TAOK1: variants seen among roughly 807,000 people sequenced by gnomAD.
TAOK1 encodes the protein TAO kinase 1, also known as serine/threonine-protein kinase TAO1.
In TAOK1, 21 loss-of-function variants were observed where a neutral mutation model predicts 138.3. The ratio of observed to expected loss-of-function variants is 0.15; its 90% CI spans 0.11 to 0.22. The LOEUF is 0.22. Among genes scored for constraint, TAOK1 ranks in the 10% least tolerant of loss-of-function variants. The probability of loss-of-function intolerance (pLI) is 1.00; values close to 1 mark genes in which losing one functional copy is unlikely to be tolerated. For missense variants in TAOK1, 651 were observed against 1,227.7 expected, an observed-to-expected ratio of 0.53 and a Z score of 7.02; for synonymous variants, 361 against 398.4, an observed-to-expected ratio of 0.91 and a Z score of 1.12.
intron 1 of TAOK1, among the ~76,000 whole-genome samples, chr17:29,423,638 T>G (rs1439170111): frequency 6.6e-6 from 1 of 152,206 alleles, no homozygotes; most frequent in African/African-American, 2.4e-5. Context: ...TAGAAGTGTG[T>G]TGTTTAATTT....
At chr17:29,393,204 A>G (rs1904483639) in intron 1 of TAOK1, among the ~76,000 whole-genome samples, 1 of 152,200 alleles carries the variant, frequency 6.6e-6, no homozygotes, top group South Asian at 2.1e-4. Context: ...TTTCATATAT[A>G]CTAGCATGTG....
At chr17:29,413,031 A>T (rs1905183128) in intron 1 of TAOK1, among the ~76,000 whole-genome samples, 1 of 152,200 alleles carries the variant, frequency 6.6e-6, no homozygotes, top group Admixed American at 6.6e-5. Context: ...GGCTAAAAAC[A>T]TTAAGATCCT....
intron 1 of TAOK1, among the ~76,000 whole-genome samples, chr17:29,397,823 A>G (rs553436215): frequency 1.3e-4 from 19 of 150,886 alleles, no homozygotes; most frequent in African/African-American, 4.4e-4. Context: ...ATGTATATAC[A>G]TGTATATATA....
intron 1 of TAOK1, among the ~76,000 whole-genome samples, chr17:29,399,848 G>A (rs1904783467): frequency 6.6e-6 from 1 of 151,988 alleles, no homozygotes; most frequent in East Asian, 1.9e-4. Flanking sequence ...TCTCACCTCA[G>A]CCACCTCAGC....
intron 19 of TAOK1, 119 bp from the exon 20 acceptor site, chr17:29,542,442 C>A: frequency 1.2e-6 from 1 of 808,724 alleles, no homozygotes; most frequent in Non-Finnish European, 1.8e-6. Flanking sequence ...AAATTTGAAA[C>A]TCATGGACAA....
chr17:29,427,857 C>T (rs891829896), intron 1 of TAOK1, among the ~76,000 whole-genome samples: 2 of 146,326 alleles, frequency 1.4e-5, no homozygotes, highest in African/African-American at 2.5e-5. Context: ...AATCCGGGGG[C>T]GGAGGTTGCA....
intron 18 of TAOK1, among the ~76,000 whole-genome samples, chr17:29,532,354 G>GT (rs146631894): frequency 0.49 from 70,517 of 142,938 alleles, 19,166 homozygotes; most frequent in Non-Finnish European, 0.61. Flanking sequence ...GTTTGTTTGT[G>GT]GTTTTTTTTT....
chr17:29,392,731 A>G (rs2153019283), intron 1 of TAOK1, among the ~76,000 whole-genome samples: 1 of 152,340 alleles, frequency 6.6e-6, no homozygotes, highest in South Asian at 2.1e-4. Flanking sequence ...AAATGTGTAC[A>G]GATAATGAGT....
intron 1 of TAOK1, among the ~76,000 whole-genome samples, chr17:29,433,988 C>A (rs1010367367): frequency 6.6e-6 from 1 of 152,094 alleles, no homozygotes; most frequent in East Asian, 1.9e-4. Flanking sequence ...GGTTGCATGA[C>A]CATTTGGAGT....
At chr17:29,527,008 C>T (rs779165144) in intron 17 of TAOK1, among the ~76,000 whole-genome samples, 12 of 152,004 alleles carry the variant, frequency 7.9e-5, no homozygotes, top group Admixed American at 6.6e-5. Flanking sequence ...CACCTGTAGT[C>T]CCAGCTACGC....
At chr17:29,520,224 G>A (rs2031890643) in intron 16 of TAOK1, among the ~76,000 whole-genome samples, 2 of 151,224 alleles carry the variant, frequency 1.3e-5, no homozygotes, top group Admixed American at 1.3e-4. Context: ...CAGCTTAAAT[G>A]TCCAACCACA....
intron 8 of TAOK1, among the ~76,000 whole-genome samples, chr17:29,482,905 A>G (rs1423232086): frequency 1.3e-5 from 2 of 152,146 alleles, no homozygotes; most frequent in African/African-American, 4.8e-5. Flanking sequence ...TAAGTTGTTC[A>G]TAAATAGAAC....
chr17:29,440,700 T>TG (rs1197812299), intron 1 of TAOK1, among the ~76,000 whole-genome samples: 1 of 152,004 alleles, frequency 6.6e-6, no homozygotes, highest in Non-Finnish European at 1.5e-5. Flanking sequence ...CTCAGCCTCC[T>TG]GAGTAGCTGG....
At chr17:29,491,725 G>T in intron 9 of TAOK1, 59 bp from the exon 10 acceptor site, 2 of 1,257,512 alleles carry the variant, frequency 1.6e-6, no homozygotes, top group Non-Finnish European at 2.3e-6. Flanking sequence ...GTCTTGATTT[G>T]TGAATGTATT....
chr17:29,475,872 C>CTT, intron 4 of TAOK1, 101 bp downstream of exon 4: 1 of 840,532 alleles, frequency 1.2e-6, no homozygotes, highest in South Asian at 1.5e-5. Flanking sequence ...CATGCAAAAA[C>CTT]ACCTGAAATG....
chr17:29,406,293 A>T (rs1363832874), intron 1 of TAOK1, among the ~76,000 whole-genome samples: 1 of 152,084 alleles, frequency 6.6e-6, no homozygotes, highest in Non-Finnish European at 1.5e-5. Flanking sequence ...TTTAACTGTT[A>T]TACAGGTAGA....
chr17:29,522,018 A>G (rs2150767369), intron 16 of TAOK1, among the ~76,000 whole-genome samples: 1 of 152,388 alleles, frequency 6.6e-6, no homozygotes, highest in South Asian at 2.1e-4. Context: ...CAAAAGAAGA[A>G]TGTTAAACCT....
intron 3 of TAOK1, among the ~76,000 whole-genome samples, chr17:29,473,146 C>G (rs1288834319): frequency 5.3e-5 from 8 of 152,154 alleles, no homozygotes; most frequent in African/African-American, 1.9e-4. Context: ...TTTCATTGAA[C>G]AAGCACAGGC....
At chr17:29,528,384 T>A (rs1258804956) in intron 17 of TAOK1, among the ~76,000 whole-genome samples, 2 of 152,178 alleles carry the variant, frequency 1.3e-5, no homozygotes, top group Non-Finnish European at 2.9e-5. Context: ...AAGTTTTTGC[T>A]TGTGTTAAAG....
Sources: allele counts gnomAD v4.1 joint callset (sites outside exome capture counted in the v4.1 genomes callset), GRCh38; gene constraint gnomAD v4.1.1; transcripts MANE v1.5; gene names NCBI Gene and HGNC (gene_info 2026-07-23, HGNC 2026-07-21).